Variants in AP3D1 observed in about 807,000 individuals in gnomAD.
AP3D1 encodes the protein AP-3 complex subunit delta-1.
A neutral mutation model predicts 147.6 loss-of-function variants in AP3D1; 51 were observed. The ratio of observed to expected loss-of-function variants is 0.35; its 90% CI spans 0.28 to 0.44. The LOEUF (loss-of-function observed/expected upper bound fraction) is 0.44, where lower values mean the gene tolerates loss of function less well. Ranked by LOEUF, AP3D1 falls within the 20% of genes least tolerant of loss-of-function variation. The pLI, the probability that AP3D1 is intolerant of heterozygous loss-of-function variation, is 1.00. For missense variants in AP3D1, 1,421 were observed against 1,624.2 expected, an observed-to-expected ratio of 0.87 and a Z score of 2.15; for synonymous variants, 760 against 663.0, an observed-to-expected ratio of 1.15 and a Z score of -2.25.
chr19:2,145,129 G>A (rs1205302513), intron 1 of AP3D1, among the ~76,000 whole-genome samples: 3 of 152,220 alleles, frequency 2.0e-5, no homozygotes, highest in Admixed American at 2.0e-4. Context: ...GAACCACCTT[G>A]GCTCAGCAGC....
chr19:2,153,827 C>T (rs544540240), upstream of AP3D1, among the ~76,000 whole-genome samples: 59 of 152,300 alleles, frequency 3.9e-4, no homozygotes, highest in African/African-American at 1.3e-3. Flanking sequence ...AAACAGTTTC[C>T]GGGCGTCCTT....
chr19:2,111,476 C>A (rs1219718681), intron 25 of AP3D1, 144 bp from the exon 26 acceptor site: 2 of 1,253,836 alleles, frequency 1.6e-6, no homozygotes, highest in African/African-American at 1.5e-5. Flanking sequence ...GATGAGGGAT[C>A]CCCGGCTCCC....
chr19:2,130,577 G>A lies in AP3D1; in HGVS notation c.463-40C>T, dbSNP rs199938244. 1,293 of 1,609,564 alleles carry A rather than the reference G, an allele frequency of 8.0e-4. 14 individuals carry two copies. In the South Asian group the frequency reaches 0.012, roughly 15 times the overall value. Reference sequence around the variant, plus strand: ...GCTTCAGCCTGCGCGGGCTTTCTGCGCCTCATCCCTGCTCTCGCCCCTCCC... The same window carrying A: ...GCTTCAGCCTGCGCGGGCTTTCTGCACCTCATCCCTGCTCTCGCCCCTCCC... On this transcript the variant is annotated intron_variant, in intron 5 of 31. Transcript: ENST00000643116.
chr19:2,163,531 C>T (rs1329384789), intron 1 of AP3D1, among the ~76,000 whole-genome samples: 1 of 149,526 alleles, frequency 6.7e-6, no homozygotes, highest in Non-Finnish European at 1.5e-5. Context: ...GCATTGTTGT[C>T]GAATGAATAC....
At chr19:2,162,033 GTT>G (rs1186533323) in intron 1 of AP3D1, among the ~76,000 whole-genome samples, 8 of 130,674 alleles carry the variant, frequency 6.1e-5, no homozygotes, top group African/African-American at 1.1e-4. Context: ...AGCCCATTGA[GTT>G]TTTTTTTTTT....
At chr19:2,109,006 A>G (rs764423271) in intron 30 of AP3D1, 80 bp downstream of exon 30, 1 of 1,576,042 alleles carries the variant, frequency 6.3e-7, no homozygotes, top group Non-Finnish European at 8.6e-7. Context: ...GGAGGGCCAC[A>G]GGCCCGGCTC....
At position 2,115,752 on chromosome 19, in the gene AP3D1, G is replaced by A. The variant is rs536369145; in HGVS notation, c.2074-139C>T. On this transcript the variant is annotated intron_variant, in intron 18 of 31. Transcript: ENST00000643116. ...TCCTGCCAGAGCCCTGGGCCGCGAG[G>A]AGCGCCGTGAGCGAGCGCATCCCGA... is the stretch of plus-strand genomic sequence containing the variant. 8 of 847,024 alleles carry A rather than the reference G, an allele frequency of 9.4e-6. No homozygotes were observed. In the Middle Eastern group the frequency reaches 1.4e-3, roughly 152 times the overall value. 52.5% of individuals were successfully genotyped at this position (847,024 alleles called of 1,614,324 possible). A position where few individuals can be genotyped will look rare whatever the true frequency, so the allele number is the denominator to read the frequency against.
At chr19:2,149,540 T>C (rs1352789135) in intron 1 of AP3D1, among the ~76,000 whole-genome samples, 1 of 120,212 alleles carries the variant, frequency 8.3e-6, no homozygotes, top group African/African-American at 2.8e-5. Context: ...TGAAACTCCG[T>C]CTCAAAAAAA....
At chr19:2,120,348 T>C (rs2018575089) in intron 14 of AP3D1, among the ~76,000 whole-genome samples, 1 of 151,986 alleles carries the variant, frequency 6.6e-6, no homozygotes, top group African/African-American at 2.4e-5. Context: ...ATAAGACCCA[T>C]CCCTGCGGCC....
Position 2,164,154 on chromosome 19 carries a change from C to T in AP3D1, c.-103+202G>A, listed in dbSNP as rs1207766937. 12 of 1,204,220 alleles carry T rather than the reference C, an allele frequency of 1.0e-5. No individual in the cohort carries two copies. In the Admixed American group the frequency reaches 4.4e-4, roughly 44 times the overall value. 74.6% of individuals were successfully genotyped at this position (1,204,220 alleles called of 1,614,324 possible). A position where few individuals can be genotyped will look rare whatever the true frequency, so the allele number is the denominator to read the frequency against. On this transcript the variant is annotated intron_variant, in intron 1 of 14. Coordinates refer to the AP3D1 transcript ENST00000643010. The stretch of plus-strand genomic sequence containing the variant: ...CCCCGCCCCTCCCCCAACCGCCCGC[C>T]TAGCATGGTGCGGCGGCCGCGCGCG...
intron 29 of AP3D1, chr19:2,109,582 G>T: frequency 3.9e-6 from 2 of 508,956 alleles, no homozygotes; most frequent in Non-Finnish European, 7.1e-6. Context: ...CCGAGGAGAG[G>T]CTTCAGGAGG....
intron 1 of AP3D1, among the ~76,000 whole-genome samples, chr19:2,141,900 C>T (rs1417580090): frequency 6.6e-6 from 1 of 151,022 alleles, no homozygotes; most frequent in Non-Finnish European, 1.5e-5. Flanking sequence ...CAGGGCCATG[C>T]CACCATATTG....
At chr19:2,116,117 G>A in intron 18 of AP3D1, 90 bp downstream of exon 18, 1 of 1,331,070 alleles carries the variant, frequency 7.5e-7, no homozygotes, top group South Asian at 1.2e-5. Context: ...GGATCTTCCT[G>A]AGGGAACCCG....
chr19:2,110,179 A>G lies in AP3D1; in HGVS notation c.3221T>C (p.Val1074Ala). The G allele has an allele frequency of 1.2e-6, 2 of 1,612,832 alleles. No individual in the cohort carries two copies. Among genetic ancestry groups the G allele is most frequent in the Non-Finnish European group, 1.7e-6 (2 of 1,179,958 alleles). Residue 1074 changes from valine (V) to alanine (A), a missense_variant, in exon 28 of 32, where the codon GTC becomes GCC. Coordinates refer to ENST00000643116, the MANE Select transcript of AP3D1 (RefSeq NM_001261826.3). The stretch of plus-strand genomic sequence containing the variant: ...GGTCCCCTTGAGCTTCTGCGCCATG[A>G]CGATGCTCTGGATGGTGAACACATA... Reference protein sequence around the residue: ...AQYVFTIQSIVMAQKLKGTLS... With the variant: ...AQYVFTIQSIAMAQKLKGTLS...
chr19:2,114,092 G>A (rs1334648409), intron 22 of AP3D1, 33 bp downstream of exon 22: 5 of 1,541,116 alleles, frequency 3.2e-6, no homozygotes, highest in African/African-American at 1.4e-5. Context: ...GGAGGGGAAT[G>A]GAGAAGGCCG....
intron 1 of AP3D1, among the ~76,000 whole-genome samples, chr19:2,143,530 G>GT (rs1323142071): frequency 6.6e-6 from 1 of 151,688 alleles, no homozygotes; most frequent in Non-Finnish European, 1.5e-5. Context: ...GTGAGCCACC[G>GT]TGCCAGGCCA....
At chr19:2,119,486 G>C (rs1323768660) in intron 14 of AP3D1, among the ~76,000 whole-genome samples, 1 of 152,110 alleles carries the variant, frequency 6.6e-6, no homozygotes, top group Non-Finnish European at 1.5e-5. Context: ...GAGGTCAACA[G>C]ATCGAGACCA....
chr19:2,160,818 A>C (rs1203757992), intron 1 of AP3D1, among the ~76,000 whole-genome samples: 1 of 152,152 alleles, frequency 6.6e-6, no homozygotes, highest in Non-Finnish European at 1.5e-5. Context: ...GGGGTGGGCT[A>C]TCCTGGGCAC....
chr19:2,123,408 TGAAAAGAA>T lies in AP3D1; in HGVS notation c.907-10_907-3del. On this transcript the variant is annotated splice_polypyrimidine_tract_variant and splice_region_variant and intron_variant, in intron 10 of 31. Coordinates refer to ENST00000643116, the MANE Select transcript of AP3D1 (RefSeq NM_001261826.3). ...TATCCTTAATTTCTGAACACAAAGC[TGAAAAGAA>T]GAAAAAAACGATGCTGGTTACATCC... is the stretch of plus-strand genomic sequence containing the variant. 1 of 1,613,658 alleles carries T rather than the reference TGAAAAGAA, an allele frequency of 6.2e-7. No homozygotes were observed. Among genetic ancestry groups the T allele is most frequent in the Non-Finnish European group, 8.5e-7 (1 of 1,179,906 alleles).
Sources: gnomAD v4.1 joint callset for allele counts (sites outside exome capture counted in the v4.1 genomes callset) on GRCh38, gnomAD v4.1.1 for gene constraint, MANE v1.5 for transcripts, NCBI Gene and HGNC (gene_info 2026-07-23, HGNC 2026-07-21) for gene names.